Variants in COL14A1 observed in about 807,000 individuals in gnomAD.
COL14A1 encodes the protein collagen alpha-1(XIV) chain.
In COL14A1, 136 loss-of-function variants were observed where a neutral mutation model predicts 230.3. That is an observed-to-expected ratio of 0.59 (90% CI 0.51 to 0.68). COL14A1 has a LOEUF of 0.68. Among genes scored for constraint, COL14A1 ranks in the 30% least tolerant of loss-of-function variants. The probability of loss-of-function intolerance (pLI) is 0.00; values close to 1 mark genes in which losing one functional copy is unlikely to be tolerated. For synonymous variants in COL14A1, 792 were observed against 784.1 expected, an observed-to-expected ratio of 1.01 and a Z score of -0.17; for missense variants, 1,976 against 2,215.8, an observed-to-expected ratio of 0.89 and a Z score of 2.17.
chr8:120,144,858 G>T (rs576229980), intron 1 of COL14A1, among the ~76,000 whole-genome samples: 1 of 152,018 alleles, frequency 6.6e-6, no homozygotes, highest in Admixed American at 6.5e-5. Context: ...AAGTTAACTA[G>T]AAATATACTT....
At chr8:120,324,295 G>A (rs1166110274) in intron 40 of COL14A1, among the ~76,000 whole-genome samples, 2 of 151,942 alleles carry the variant, frequency 1.3e-5, no homozygotes, top group Non-Finnish European at 2.9e-5. Flanking sequence ...ATAAATAGAT[G>A]TATATGTTTA....
Position 120,280,005 on chromosome 8 carries a change from C to A in COL14A1, c.3552C>A (p.Pro1184=). 2 of 1,613,846 alleles carry A rather than the reference C, an allele frequency of 1.2e-6. No homozygotes were observed. Among genetic ancestry groups the A allele is most frequent in the East Asian group, 2.2e-5 (1 of 44,874 alleles). Residue 1184 remains proline, a synonymous_variant, in exon 29 of 48, where the codon CCC becomes CCA. Coordinates refer to ENST00000297848, the MANE Select transcript of COL14A1 (RefSeq NM_021110.4). ...YSELVSIGSK[P]SARHVFFVDD... is the part of the protein sequence containing the mutation. ...AGTTGGTTAGCATTGGCAGTAAGCC[C>A]AGCGCACGCCATGTCTTCTTTGTGG... is the stretch of plus-strand genomic sequence containing the variant.
chr8:120,142,673 G>A (rs984145508), intron 1 of COL14A1, among the ~76,000 whole-genome samples: 6 of 152,044 alleles, frequency 3.9e-5, no homozygotes, highest in Admixed American at 3.9e-4. Context: ...GTGGTAGGCC[G>A]GTAGGGGAAG....
intron 22 of COL14A1, among the ~76,000 whole-genome samples, chr8:120,252,472 G>A (rs1819004835): frequency 6.6e-6 from 1 of 152,198 alleles, no homozygotes; most frequent in Non-Finnish European, 1.5e-5. Flanking sequence ...TGCTAGTCTA[G>A]ATAGTCCTGA....
intron 11 of COL14A1, 102 bp downstream of exon 11, chr8:120,208,463 A>G: frequency 8.1e-7 from 1 of 1,229,008 alleles, no homozygotes; most frequent in Non-Finnish European, 1.1e-6. Flanking sequence ...AGACATCCTG[A>G]ATCGAATTCA....
intron 5 of COL14A1, among the ~76,000 whole-genome samples, chr8:120,183,457 T>A (rs1246323155): frequency 6.6e-6 from 1 of 152,198 alleles, no homozygotes. Flanking sequence ...AAGACAGTCA[T>A]CTTTGGACAT....
At chr8:120,169,034 T>G (rs1457351863) in intron 5 of COL14A1, among the ~76,000 whole-genome samples, 1 of 152,162 alleles carries the variant, frequency 6.6e-6, no homozygotes, top group Non-Finnish European at 1.5e-5. Flanking sequence ...TTTTGTATTT[T>G]TAGTAGAGAC....
chr8:120,372,865 TG>T lies in COL14A1; in HGVS notation c.*1635del, dbSNP rs1812205839. ...GTTCTAAACAAATCAGTTTTTTTGG[TG>T]TCTTTGCAGGGAATGAAAGAAGATA... On this transcript the variant is annotated 3_prime_UTR_variant, in exon 48 of 48. Transcript: ENST00000297848. Among the ~76,000 whole-genome samples the T allele has an allele frequency of 2.0e-5, 3 of 152,086 alleles. No individual in the cohort carries two copies. Among genetic ancestry groups the T allele is most frequent in the Admixed American group, 2.0e-4 (3 of 15,254 alleles).
At chr8:120,190,171 G>A (rs1417349416) in intron 5 of COL14A1, among the ~76,000 whole-genome samples, 2 of 151,956 alleles carry the variant, frequency 1.3e-5, no homozygotes, top group Non-Finnish European at 1.5e-5. Flanking sequence ...TTTCATGATT[G>A]CCATTCTAAC....
chr8:120,368,239 ATATATT>A (rs1205243242), intron 46 of COL14A1, among the ~76,000 whole-genome samples: 1 of 152,126 alleles, frequency 6.6e-6, no homozygotes, highest in East Asian at 1.9e-4. Context: ...TTATTATAAT[ATATATT>A]TATAATGTCA....
At chr8:120,177,198 C>T (rs541014511) in intron 5 of COL14A1, among the ~76,000 whole-genome samples, 4 of 152,176 alleles carry the variant, frequency 2.6e-5, no homozygotes, top group Non-Finnish European at 4.4e-5. Context: ...CACAAAATCA[C>T]ATTTGAGCCA....
Position 120,287,295 on chromosome 8 carries a change from G to A in COL14A1, c.4077+1325G>A, listed in dbSNP as rs372036160. Among the ~76,000 whole-genome samples the A allele has an allele frequency of 1.8e-4, 27 of 152,046 alleles. No individual in the cohort carries two copies. The East Asian group carries it at 5.0e-3, about 28-fold the overall frequency. ...AAGAAAAGGTATCTGAAAAGCACATGAGATACAGTGGAGATTTATTAGTTC... is the reference window on the plus strand; with the variant it reads ...AAGAAAAGGTATCTGAAAAGCACATAAGATACAGTGGAGATTTATTAGTTC... On this transcript the variant is annotated intron_variant, in intron 33 of 47. Coordinates refer to ENST00000297848, the MANE Select transcript of COL14A1 (RefSeq NM_021110.4).
chr8:120,224,585 A>T (rs1306136799), intron 14 of COL14A1, among the ~76,000 whole-genome samples: 1 of 152,214 alleles, frequency 6.6e-6, no homozygotes, highest in Non-Finnish European at 1.5e-5. Context: ...GCCCCAAAGA[A>T]GTTGGAAAAT....
chr8:120,252,257 T>C (rs1818994880), intron 22 of COL14A1, among the ~76,000 whole-genome samples: 1 of 152,096 alleles, frequency 6.6e-6, no homozygotes, highest in Non-Finnish European at 1.5e-5. Flanking sequence ...AATTCTCTAG[T>C]GGTGAATTCT....
chr8:120,340,008 A>C (rs996123300), intron 42 of COL14A1, among the ~76,000 whole-genome samples: 1 of 147,476 alleles, frequency 6.8e-6, no homozygotes, highest in Non-Finnish European at 1.5e-5. Context: ...ACTGCACTCC[A>C]GTCTGGGAGA....
intron 23 of COL14A1, among the ~76,000 whole-genome samples, chr8:120,258,218 C>A (rs111771309): frequency 6.6e-6 from 1 of 152,166 alleles, no homozygotes; most frequent in Non-Finnish European, 1.5e-5. Flanking sequence ...AAGTCTTGCT[C>A]CTTCTTGTGT....
intron 40 of COL14A1, among the ~76,000 whole-genome samples, chr8:120,327,397 G>A (rs1042429754): frequency 1.3e-5 from 2 of 152,146 alleles, no homozygotes; most frequent in African/African-American, 4.8e-5. Flanking sequence ...ATGGGATCAG[G>A]CAGAAGTTTA....
At chr8:120,332,871 T>C (rs1586872832) in intron 42 of COL14A1, 136 bp downstream of exon 42, 1 of 629,350 alleles carries the variant, frequency 1.6e-6, no homozygotes, top group East Asian at 2.9e-5. Flanking sequence ...TAAAGGAAAT[T>C]GGAAAAGCTT....
chr8:120,142,362 C>G (rs974835382), intron 1 of COL14A1, among the ~76,000 whole-genome samples: 1 of 152,176 alleles, frequency 6.6e-6, no homozygotes, highest in African/African-American at 2.4e-5. Context: ...GCTGCTTATA[C>G]TTGTTTGGAT....
Sources: gnomAD v4.1 joint callset for allele counts (sites outside exome capture counted in the v4.1 genomes callset) on GRCh38, gnomAD v4.1.1 for gene constraint, MANE v1.5 for transcripts, NCBI Gene and HGNC (gene_info 2026-07-23, HGNC 2026-07-21) for gene names.